Variants in MGMT observed in about 807,000 individuals in gnomAD.
The protein encoded by MGMT is methylated-DNA--protein-cysteine methyltransferase.
MGMT carries 14 observed loss-of-function variants against 15.9 expected under a neutral mutation model. That is an observed-to-expected ratio of 0.88 (90% CI 0.58 to 1.37). The LOEUF (loss-of-function observed/expected upper bound fraction) is 1.37. Ranked by LOEUF, MGMT falls within the 40% of genes most tolerant of loss-of-function variation. The pLI is 0.00. For missense variants in MGMT, 282 were observed against 268.1 expected (o/e 1.05, Z -0.36); for synonymous variants, 130 against 118.2 (o/e 1.10, Z -0.65).
chr10:129,576,935 G>A (rs1471168342), intron 2 of MGMT, among the ~76,000 whole-genome samples: 130 of 152,264 alleles, frequency 8.5e-4, no homozygotes, highest in Non-Finnish European at 1.5e-3. Context: ...CCCATTCACA[G>A]TTGCTTCAAA....
chr10:129,752,316 T>G (rs980620737), intron 3 of MGMT, among the ~76,000 whole-genome samples: 4 of 152,012 alleles, frequency 2.6e-5, no homozygotes, highest in African/African-American at 9.7e-5. Flanking sequence ...ACATTTGTGT[T>G]TGCATGGTAT....
At chr10:129,535,598 C>T (rs1237057637) in intron 1 of MGMT, among the ~76,000 whole-genome samples, 1 of 152,180 alleles carries the variant, frequency 6.6e-6, no homozygotes, top group Admixed American at 6.5e-5. Context: ...AGTGATCTTC[C>T]TGTCTCAGCC....
intron 3 of MGMT, among the ~76,000 whole-genome samples, chr10:129,726,092 G>A (rs1848430692): frequency 6.6e-6 from 1 of 152,032 alleles, no homozygotes; most frequent in African/African-American, 2.4e-5. Flanking sequence ...GTGCAATGAG[G>A]GACCATGAGT....
At chr10:129,700,837 C>T (rs1406143755) in intron 2 of MGMT, 1 of 152,202 alleles carries the variant, frequency 6.6e-6, no homozygotes, top group Non-Finnish European at 1.5e-5. Flanking sequence ...ACACAAGACA[C>T]TCTGCTAGAG....
At chr10:129,625,213 G>GA (rs1319035485) in intron 2 of MGMT, among the ~76,000 whole-genome samples, 1 of 152,156 alleles carries the variant, frequency 6.6e-6, no homozygotes, top group Non-Finnish European at 1.5e-5. Flanking sequence ...ATCAAAAATT[G>GA]AAAATTAAAA....
At chr10:129,745,494 C>T (rs1193923862) in intron 3 of MGMT, among the ~76,000 whole-genome samples, 1 of 152,178 alleles carries the variant, frequency 6.6e-6, no homozygotes, top group Non-Finnish European at 1.5e-5. Flanking sequence ...TGGAATCAGA[C>T]AGTATTTAAC....
At chr10:129,752,765 A>G (rs1343589041) in intron 3 of MGMT, among the ~76,000 whole-genome samples, 1 of 152,114 alleles carries the variant, frequency 6.6e-6, no homozygotes, top group Non-Finnish European at 1.5e-5. Context: ...AATATCATGC[A>G]TTATGTTTAC....
chr10:129,726,516 T>G (rs1848436419), intron 3 of MGMT, among the ~76,000 whole-genome samples: 1 of 152,196 alleles, frequency 6.6e-6, no homozygotes, highest in Non-Finnish European at 1.5e-5. Context: ...TTTTGTCTGA[T>G]TCTTCACCAG....
In MGMT at chr10:129,659,123, G is replaced by A. The variant is rs762176575; in HGVS notation, c.126-48772G>A. On this transcript the variant is annotated intron_variant, in intron 2 of 4. Transcript: ENST00000651593. The surrounding 1 kb of genome is among the most constrained non-coding windows in gnomAD (Gnocchi z 4.1). ...TGTAATCCCAACACTTTGGGAGGCCGAGGCAGGTGGATTACCTAAGGTCAG... is the reference window on the plus strand; with the variant it reads ...TGTAATCCCAACACTTTGGGAGGCCAAGGCAGGTGGATTACCTAAGGTCAG... Among the ~76,000 whole-genome samples the A allele has an allele frequency of 2.0e-5, 3 of 152,140 alleles. No individual in the cohort carries two copies. Among genetic ancestry groups the A allele is most frequent in the Admixed American group, 2.0e-4 (3 of 15,282 alleles).
chr10:129,538,196 ATTCAT>A (rs1215116886), intron 2 of MGMT, among the ~76,000 whole-genome samples: 2 of 152,258 alleles, frequency 1.3e-5, no homozygotes, highest in Admixed American at 1.3e-4. Context: ...CAAGTGTACA[ATTCAT>A]TTGACAAAAG....
At chr10:129,572,284 A>G (rs528111698) in intron 2 of MGMT, among the ~76,000 whole-genome samples, 1 of 152,298 alleles carries the variant, frequency 6.6e-6, no homozygotes, top group African/African-American at 2.4e-5. Flanking sequence ...AAAACCTGTA[A>G]TTCTGTGATT....
chr10:129,728,935 C>T (rs1010082167), intron 3 of MGMT, among the ~76,000 whole-genome samples: 1 of 152,064 alleles, frequency 6.6e-6, no homozygotes, highest in Non-Finnish European at 1.5e-5. Flanking sequence ...CTTAACATGC[C>T]CACACTGGGT....
intron 2 of MGMT, among the ~76,000 whole-genome samples, chr10:129,674,308 G>A (rs756843712): frequency 3.3e-5 from 5 of 152,054 alleles, no homozygotes; most frequent in East Asian, 1.9e-4. Flanking sequence ...CCTCACTGAC[G>A]GTAGTTTGGA....
At chr10:129,505,965 C>T (rs376429392) in intron 1 of MGMT, among the ~76,000 whole-genome samples, 3 of 150,836 alleles carry the variant, frequency 2.0e-5, no homozygotes, top group Non-Finnish European at 4.4e-5. Flanking sequence ...CAGATGGCCA[C>T]GAGCTGAGAC....
chr10:129,503,919 C>T (rs994192555), intron 1 of MGMT, among the ~76,000 whole-genome samples: 3 of 151,990 alleles, frequency 2.0e-5, no homozygotes, highest in East Asian at 1.9e-4. Context: ...AGTTTAAAGG[C>T]GGTTTTAGAA....
intron 2 of MGMT, among the ~76,000 whole-genome samples, chr10:129,641,236 G>T (rs1394765053): frequency 6.6e-6 from 1 of 152,136 alleles, no homozygotes; most frequent in Non-Finnish European, 1.5e-5. Context: ...ATGAAAATGT[G>T]CAGTAGTTCA....
chr10:129,641,069 A>C (rs561321373), intron 2 of MGMT, among the ~76,000 whole-genome samples: 1 of 152,376 alleles, frequency 6.6e-6, no homozygotes, highest in East Asian at 1.9e-4. Context: ...TTGGAAAAGT[A>C]AGAAATAAAA....
chr10:129,594,923 C>G (rs1846733450), intron 2 of MGMT, among the ~76,000 whole-genome samples: 1 of 152,208 alleles, frequency 6.6e-6, no homozygotes, highest in African/African-American at 2.4e-5. Context: ...GTCACGCCAT[C>G]AACCTGCCAG....
intron 3 of MGMT, among the ~76,000 whole-genome samples, chr10:129,733,568 A>G (rs1388288358): frequency 6.6e-6 from 1 of 151,310 alleles, no homozygotes; most frequent in East Asian, 1.9e-4. Flanking sequence ...GTTTAATTAG[A>G]TCCCATTTGT....
Sources: gnomAD v4.1 joint callset for allele counts (sites outside exome capture counted in the v4.1 genomes callset) on GRCh38, gnomAD v4.1.1 for gene constraint, Gnocchi (gnomAD v3.1) non-coding constraint, MANE v1.5 for transcripts, NCBI Gene and HGNC (gene_info 2026-07-23, HGNC 2026-07-21) for gene names.